The following HERC4 variants were observed in gnomAD, a reference collection of about 807,000 sequenced individuals.
HERC4 encodes HECT and RLD domain containing E3 ubiquitin protein ligase 4, also known as probable E3 ubiquitin-protein ligase HERC4.
HERC4 carries 28 observed loss-of-function variants against 124.3 expected under a neutral mutation model. The observed-to-expected ratio is 0.23, with a 90% CI of 0.17 to 0.31. The LOEUF (loss-of-function observed/expected upper bound fraction) is 0.31. Ranked by LOEUF, HERC4 falls within the 10% of genes least tolerant of loss-of-function variation. The pLI is 1.00. For missense variants in HERC4, 713 were observed against 1,229.3 expected (o/e 0.58, Z 6.28); for synonymous variants, 407 against 421.5 (o/e 0.97, Z 0.42).
At chr10:68,073,232 T>C in intron 2 of HERC4, 46 bp from the exon 3 acceptor site, 4 of 673,274 alleles carry the variant, frequency 5.9e-6, no homozygotes, top group Non-Finnish European at 1.0e-5. Flanking sequence ...GAAAAAAGGA[T>C]GTATAATTGC....
At chr10:67,984,562 TA>T (rs960009064) in intron 15 of HERC4, among the ~76,000 whole-genome samples, 73 of 148,540 alleles carry the variant, frequency 4.9e-4, no homozygotes, top group Non-Finnish European at 7.5e-4. Flanking sequence ...ATAAAAATAT[TA>T]AAAAAAAAAT....
At chr10:67,970,338 TC>T (rs1266437369) in intron 15 of HERC4, among the ~76,000 whole-genome samples, 2 of 152,196 alleles carry the variant, frequency 1.3e-5, no homozygotes, top group Non-Finnish European at 2.9e-5. Flanking sequence ...ATGCCTGTAA[TC>T]CCAGCACTCG....
intron 15 of HERC4, among the ~76,000 whole-genome samples, chr10:67,986,455 C>A (rs921008391): frequency 6.6e-6 from 1 of 152,102 alleles, no homozygotes; most frequent in Non-Finnish European, 1.5e-5. Flanking sequence ...TGGGTTCAAG[C>A]GATTCTCTTG....
intron 15 of HERC4, among the ~76,000 whole-genome samples, chr10:67,978,962 C>T (rs2035764642): frequency 6.6e-6 from 1 of 152,134 alleles, no homozygotes; most frequent in African/African-American, 2.4e-5. Flanking sequence ...GCGATGACAA[C>T]ATCCAAGTCC....
intron 4 of HERC4, among the ~76,000 whole-genome samples, chr10:68,042,157 AG>A (rs1309225707): frequency 6.6e-6 from 1 of 152,146 alleles, no homozygotes; most frequent in Admixed American, 6.5e-5. Flanking sequence ...CTGGGATTAC[AG>A]GCGCCTGCCT....
Position 67,932,706 on chromosome 10 carries a change from G to T in HERC4, c.2729C>A (p.Ala910Glu). 1 of 1,599,986 alleles carries T rather than the reference G, an allele frequency of 6.3e-7. No individual in the cohort carries two copies. Reference sequence around the variant, plus strand: ...TCCTCCACAGACCTTATGAAAGCCCGCATGAAAAGCATCAAATAAGGAAGC... The same window carrying T: ...TCCTCCACAGACCTTATGAAAGCCCTCATGAAAAGCATCAAATAAGGAAGC... ...SVASLFDAFH[A>E]GFHKVCGGKV... Residue 910 changes from alanine (A) to glutamate (E), a missense_variant, in exon 23 of 25, where the codon GCG (alanine) becomes GAG (glutamate). Coordinates refer to ENST00000373700, the MANE Select transcript of HERC4 (RefSeq NM_015601.4).
chr10:68,002,598 AC>A (rs1414553719), intron 9 of HERC4, among the ~76,000 whole-genome samples: 4 of 133,260 alleles, frequency 3.0e-5, no homozygotes, highest in African/African-American at 1.0e-4. Flanking sequence ...TTAAATTTTT[AC>A]TTTTTTTTTT....
At chr10:68,000,889 C>T (rs2037190432) in intron 9 of HERC4, among the ~76,000 whole-genome samples, 1 of 152,180 alleles carries the variant, frequency 6.6e-6, no homozygotes, top group African/African-American at 2.4e-5. Context: ...GACTTCTAGT[C>T]TGCAGAATAG....
intron 22 of HERC4, among the ~76,000 whole-genome samples, chr10:67,935,759 C>T (rs574049748): frequency 1.3e-5 from 2 of 152,268 alleles, no homozygotes; most frequent in Admixed American, 1.3e-4. Context: ...TTTCTAACTG[C>T]TTCTTATAAG....
intron 9 of HERC4, among the ~76,000 whole-genome samples, chr10:67,997,972 G>A (rs2036989426): frequency 6.6e-6 from 1 of 151,948 alleles, no homozygotes; most frequent in African/African-American, 2.4e-5. Context: ...TGTGATCTTG[G>A]CTCACTGCAA....
chr10:68,042,648 A>G (rs983408357), intron 4 of HERC4, among the ~76,000 whole-genome samples: 1 of 152,134 alleles, frequency 6.6e-6, no homozygotes, highest in Non-Finnish European at 1.5e-5. Context: ...AAAAATCTAT[A>G]AACACCAATT....
chr10:68,042,558 G>A (rs1407033448), intron 4 of HERC4, among the ~76,000 whole-genome samples: 1 of 152,200 alleles, frequency 6.6e-6, no homozygotes, highest in Non-Finnish European at 1.5e-5. Flanking sequence ...AGGAGGTCGA[G>A]GCTGCAGTGA....
intron 8 of HERC4, among the ~76,000 whole-genome samples, chr10:68,021,748 C>T (rs773098351): frequency 1.3e-5 from 2 of 151,982 alleles, no homozygotes; most frequent in Admixed American, 6.6e-5. Flanking sequence ...GCAGAGGTTG[C>T]GGTGAGCCGA....
intron 15 of HERC4, among the ~76,000 whole-genome samples, chr10:67,982,365 A>G (rs1298385052): frequency 6.6e-6 from 1 of 152,190 alleles, no homozygotes; most frequent in Non-Finnish European, 1.5e-5. Context: ...AACCAAGAAC[A>G]TACACTGGAC....
chr10:68,072,830 T>G, intron 3 of HERC4, 53 bp downstream of exon 3: 1 of 1,248,124 alleles, frequency 8.0e-7, no homozygotes, highest in Non-Finnish European at 1.1e-6. Flanking sequence ...TGATTCAAAT[T>G]TAAAATGATA....
intron 7 of HERC4, among the ~76,000 whole-genome samples, chr10:68,027,888 C>T (rs1368308240): frequency 6.6e-6 from 1 of 151,440 alleles, no homozygotes; most frequent in Non-Finnish European, 1.5e-5. Context: ...CACACCACTG[C>T]ACTCCAGCCT....
At chr10:68,025,699 A>G (rs200363553) in intron 7 of HERC4, 23 bp from the exon 8 acceptor site, 1 of 1,596,220 alleles carries the variant, frequency 6.3e-7, no homozygotes, top group East Asian at 2.2e-5. Flanking sequence ...AAAACCCCTT[A>G]TCATTAGAAG....
intron 23 of HERC4, among the ~76,000 whole-genome samples, chr10:67,931,673 C>T (rs927542293): frequency 1.2e-4 from 18 of 152,158 alleles, no homozygotes; most frequent in Admixed American, 6.5e-5. Flanking sequence ...GATCCGCCCA[C>T]CTTGGCCTCC....
At chr10:67,967,371 A>T (rs1434664095) in intron 15 of HERC4, among the ~76,000 whole-genome samples, 1 of 152,182 alleles carries the variant, frequency 6.6e-6, no homozygotes, top group Non-Finnish European at 1.5e-5. Flanking sequence ...ACAGTATGAG[A>T]TATGTAATGA....
Sources: allele counts gnomAD v4.1 joint callset (sites outside exome capture counted in the v4.1 genomes callset), GRCh38; gene constraint gnomAD v4.1.1; transcripts MANE v1.5; gene names NCBI Gene and HGNC (gene_info 2026-07-23, HGNC 2026-07-21).